Variants in SCHIP1 observed in about 807,000 individuals in gnomAD.
SCHIP1 encodes the protein schwannomin-interacting protein 1.
SCHIP1 carries 8 observed loss-of-function variants against 29.7 expected under a neutral mutation model. The observed-to-expected ratio is 0.27, with a 90% confidence interval of 0.16 to 0.49. The LOEUF (loss-of-function observed/expected upper bound fraction) is 0.49, where lower values mean the gene tolerates loss of function less well. Ranked by LOEUF, SCHIP1 falls within the 20% of genes least tolerant of loss-of-function variation. The pLI, the probability that SCHIP1 is intolerant of heterozygous loss-of-function variation, is 0.99. For missense variants in SCHIP1, 193 were observed against 294.6 expected, an observed-to-expected ratio of 0.66 and a Z score of 2.52; for synonymous variants, 76 against 94.9, an observed-to-expected ratio of 0.80 and a Z score of 1.16.
At chr3:159,626,180 C>CTAGATAGATAGATAGA in the SCHIP1 span, among the ~76,000 whole-genome samples, 1 of 92,326 alleles carries the variant, frequency 1.1e-5, no homozygotes, top group Non-Finnish European at 1.8e-5. Context: ...ATCTATCTAT[C>CTAGATAGATAGATAGA]TAGATAGATA....
At chr3:159,682,138 C>A in the SCHIP1 span, among the ~76,000 whole-genome samples, 9 of 152,174 alleles carry the variant, frequency 5.9e-5, no homozygotes, top group African/African-American at 2.2e-4. Flanking sequence ...TCTTACTTAT[C>A]TTTTATTACT....
the SCHIP1 span, among the ~76,000 whole-genome samples, chr3:159,809,679 A>C: frequency 1.3e-5 from 2 of 150,384 alleles, no homozygotes; most frequent in African/African-American, 4.9e-5. Context: ...AAAAAAAAAG[A>C]AGCTAATTTT....
the SCHIP1 span, among the ~76,000 whole-genome samples, chr3:159,630,743 TAA>T: frequency 6.6e-6 from 1 of 152,096 alleles, no homozygotes; most frequent in Admixed American, 6.6e-5. Flanking sequence ...AGGTGAGGGA[TAA>T]AAGACTACAA....
chr3:159,805,911 C>T, the SCHIP1 span, among the ~76,000 whole-genome samples: 1 of 151,418 alleles, frequency 6.6e-6, no homozygotes, highest in African/African-American at 2.4e-5. Flanking sequence ...CAGGTTCGAG[C>T]AATTCTCCTG....
the SCHIP1 span, among the ~76,000 whole-genome samples, chr3:159,832,498 A>G: frequency 6.3e-3 from 959 of 152,118 alleles, 14 homozygotes; most frequent in African/African-American, 0.022. Flanking sequence ...ATTTATTAAC[A>G]AGCTTGTTCA....
chr3:159,395,652 C>A, the SCHIP1 span, among the ~76,000 whole-genome samples: 2 of 152,112 alleles, frequency 1.3e-5, no homozygotes, highest in Admixed American at 6.5e-5. Flanking sequence ...CTTAATCCTG[C>A]ATTCTAGTTT....
chr3:159,395,019 C>G, the SCHIP1 span, among the ~76,000 whole-genome samples: 340 of 152,282 alleles, frequency 2.2e-3, 1 homozygote, highest in African/African-American at 7.8e-3. Flanking sequence ...TTCAGAGATT[C>G]AACTTATTCC....
At chr3:159,302,147 G>T in the SCHIP1 span, among the ~76,000 whole-genome samples, 2 of 152,170 alleles carry the variant, frequency 1.3e-5, no homozygotes, top group Non-Finnish European at 2.9e-5. Flanking sequence ...AGCTGCTGTT[G>T]CTATGCTTGT....
chr3:159,273,775 A>C, the SCHIP1 span: 1 of 1,608,018 alleles, frequency 6.2e-7, no homozygotes, highest in South Asian at 1.1e-5. Flanking sequence ...CAATTTGAAT[A>C]AACAACTCTT....
At chr3:159,843,001 C>CTTTTTTTTTT (rs566940351) in intron 1 of SCHIP1, among the ~76,000 whole-genome samples, 1,518 of 63,560 alleles carry the variant, frequency 0.024, 268 homozygotes, top group Middle Eastern at 0.041. Context: ...ATATTTCTTT[C>CTTTTTTTTTT]TTTTTTTTTT....
At chr3:159,808,255 A>G in the SCHIP1 span, among the ~76,000 whole-genome samples, 2 of 152,234 alleles carry the variant, frequency 1.3e-5, no homozygotes, top group Non-Finnish European at 2.9e-5. Context: ...CTGTGTTTAC[A>G]TTGACACCAA....
intron 2 of SCHIP1, among the ~76,000 whole-genome samples, chr3:159,873,414 T>C (rs762817201): frequency 7.9e-5 from 12 of 152,212 alleles, no homozygotes; most frequent in Non-Finnish European, 1.8e-4. Context: ...CTGGGAAGAC[T>C]GGAGTTTCAA....
chr3:159,505,879 C>T, the SCHIP1 span, among the ~76,000 whole-genome samples: 6 of 152,158 alleles, frequency 3.9e-5, no homozygotes, highest in Non-Finnish European at 5.9e-5. Flanking sequence ...CATTGTTGGG[C>T]ATTTGGGTTG....
the SCHIP1 span, among the ~76,000 whole-genome samples, chr3:159,338,607 A>G: frequency 6.6e-6 from 1 of 152,162 alleles, no homozygotes; most frequent in African/African-American, 2.4e-5. Context: ...TGCAGTGCAT[A>G]GACTTGGGGC....
the SCHIP1 span, among the ~76,000 whole-genome samples, chr3:159,316,851 A>G: frequency 6.6e-6 from 1 of 152,214 alleles, no homozygotes; most frequent in Non-Finnish European, 1.5e-5. Context: ...ACATGCACAA[A>G]CATGTTTTTA....
At chr3:159,596,403 G>A in the SCHIP1 span, among the ~76,000 whole-genome samples, 1 of 152,064 alleles carries the variant, frequency 6.6e-6, no homozygotes, top group Non-Finnish European at 1.5e-5. Context: ...ATTCCTCAAG[G>A]TTCTAGAACT....
chr3:159,870,402 A>G (rs771451477), intron 2 of SCHIP1, among the ~76,000 whole-genome samples: 17 of 152,112 alleles, frequency 1.1e-4, no homozygotes, highest in Admixed American at 2.6e-4. Flanking sequence ...CCTCCCAGGT[A>G]TAACTTACAA....
At chr3:159,433,273 G>A in the SCHIP1 span, among the ~76,000 whole-genome samples, 1 of 152,128 alleles carries the variant, frequency 6.6e-6, no homozygotes, top group Non-Finnish European at 1.5e-5. Context: ...ATTTTCCACG[G>A]ACAGAAAAGA....
chr3:159,443,170 G>A, the SCHIP1 span, among the ~76,000 whole-genome samples: 1 of 152,158 alleles, frequency 6.6e-6, no homozygotes, highest in Non-Finnish European at 1.5e-5. Flanking sequence ...ACAGGCTGGG[G>A]TAGAAAGAAG....
Sources: allele counts gnomAD v4.1 joint callset (sites outside exome capture counted in the v4.1 genomes callset), GRCh38; gene constraint gnomAD v4.1.1; transcripts MANE v1.5; gene names NCBI Gene and HGNC (gene_info 2026-07-23, HGNC 2026-07-21).